The following CALCOCO2 variants were observed in gnomAD, a reference collection of about 807,000 sequenced individuals.
The protein encoded by CALCOCO2 is calcium-binding and coiled-coil domain-containing protein 2.
CALCOCO2 carries 42 observed loss-of-function variants against 62.5 expected under a neutral mutation model. That is an observed-to-expected ratio of 0.67 (90% confidence interval 0.53 to 0.87). The LOEUF is 0.87. CALCOCO2 is among the 40% of genes least tolerant of loss of function. The probability of loss-of-function intolerance (pLI) is 0.00; values close to 1 mark genes in which losing one functional copy is unlikely to be tolerated. For synonymous variants in CALCOCO2, 167 were observed against 173.0 expected (o/e 0.97, Z 0.27); for missense variants, 456 against 515.0 (o/e 0.89, Z 1.11).
chr17:48,858,261 A>G (rs1389733316), intron 10 of CALCOCO2, among the ~76,000 whole-genome samples: 1 of 152,010 alleles, frequency 6.6e-6, no homozygotes, highest in Non-Finnish European at 1.5e-5. Flanking sequence ...ATAATTGCAG[A>G]AGGCTTTTTG....
intron 10 of CALCOCO2, among the ~76,000 whole-genome samples, chr17:48,856,880 C>T (rs2040224040): frequency 6.6e-6 from 1 of 151,720 alleles, no homozygotes; most frequent in Non-Finnish European, 1.5e-5. Flanking sequence ...CTCACTGCAG[C>T]CTTGATCTCC....
At chr17:48,859,434 TC>T in intron 10 of CALCOCO2, among the ~76,000 whole-genome samples, 2 of 151,918 alleles carry the variant, frequency 1.3e-5, no homozygotes, top group Admixed American at 1.3e-4. Flanking sequence ...GCCTTTCATC[TC>T]TACAAAAAAT....
chr17:48,862,810 G>A, intron 12 of CALCOCO2, 28 bp from the exon 13 acceptor site: 2 of 1,605,882 alleles, frequency 1.2e-6, no homozygotes, highest in South Asian at 2.2e-5. Flanking sequence ...GCTTACATTT[G>A]TACTGACCTC....
intron 1 of CALCOCO2, chr17:48,831,962 A>G (rs1240740257): frequency 6.6e-6 from 1 of 152,160 alleles, no homozygotes; most frequent in Non-Finnish European, 1.5e-5. Flanking sequence ...GGACCTGGAA[A>G]CTCTATCCTT....
chr17:48,851,047 C>T, intron 5 of CALCOCO2, 42 bp from the exon 6 acceptor site: 1 of 1,114,282 alleles, frequency 9.0e-7, no homozygotes, highest in Non-Finnish European at 1.4e-6. Flanking sequence ...ATTCAAAAGT[C>T]ATAGAACTAG....
At chr17:48,848,850 T>A (rs1283906568) in intron 4 of CALCOCO2, 2 of 478,870 alleles carry the variant, frequency 4.2e-6, no homozygotes, top group Non-Finnish European at 4.1e-6. Context: ...TTCATTTTCT[T>A]ACTTCATCAT....
intron 1 of CALCOCO2, chr17:48,831,724 CAACCCCACTGGACGTGTT>C (rs1319519577): frequency 1.3e-5 from 2 of 152,226 alleles, no homozygotes; most frequent in Non-Finnish European, 2.9e-5. Flanking sequence ...TATATTATTT[CAACCCCACTGGACGTGTT>C]AACTCTTTTC....
chr17:48,863,055 T>A lies in CALCOCO2; in HGVS notation c.*50T>A. On this transcript the variant is annotated 3_prime_UTR_variant, in exon 13 of 13. Transcript: ENST00000258947. ...CAGAGATTTTATAGAATAGAACCTA[T>A]AGCTTCTACCATGAGTTATATGAGT... 7.5e-7 allele frequency: 1 copy of A among 1,333,862 alleles called. No homozygotes were observed. The highest frequency in any genetic ancestry group is 1.1e-6 in the Non-Finnish European group (1 of 925,538). The allele number at this position is 1,333,862 out of a possible 1,614,324, so 82.6% of individuals were successfully genotyped here.
At chr17:48,849,687 A>G (rs2040100675) in intron 5 of CALCOCO2, among the ~76,000 whole-genome samples, 1 of 151,824 alleles carries the variant, frequency 6.6e-6, no homozygotes, top group Non-Finnish European at 1.5e-5. Context: ...TATATTTTTT[A>G]GAGACAGGGT....
In CALCOCO2 at chr17:48,856,206, G is replaced by A. The variant is rs774338066; in HGVS notation, c.1008+19G>A. The A allele has an allele frequency of 3.6e-6, 5 of 1,405,448 alleles. No homozygotes were observed. The Admixed American group carries it at 8.7e-5, about 24-fold the overall frequency. The allele number at this position is 1,405,448 out of a possible 1,614,324, so 87.1% of individuals were successfully genotyped here. ...AAATGATGTAAGTGTGTGAAAGAGGGTATAAAACCCCAAGGTTTTAAGGGG... is the reference window on the plus strand; with the variant it reads ...AAATGATGTAAGTGTGTGAAAGAGGATATAAAACCCCAAGGTTTTAAGGGG... On this transcript the variant is annotated intron_variant, in intron 10 of 12. Coordinates refer to ENST00000258947, the MANE Select transcript of CALCOCO2 (RefSeq NM_005831.5).
chr17:48,840,059 C>G (rs1267105415), intron 1 of CALCOCO2, among the ~76,000 whole-genome samples: 1 of 152,134 alleles, frequency 6.6e-6, no homozygotes, highest in Non-Finnish European at 1.5e-5. Context: ...AATCCTCTCA[C>G]CTCAGCCTCC....
At chr17:48,832,644 A>G (rs1004004268) in intron 1 of CALCOCO2, among the ~76,000 whole-genome samples, 2 of 152,164 alleles carry the variant, frequency 1.3e-5, no homozygotes, top group African/African-American at 4.8e-5. Context: ...CAGAACTAAG[A>G]TAGGAACCCA....
Position 48,862,247 on chromosome 17 carries a change from T to C in CALCOCO2, c.1145-29T>C, listed in dbSNP as rs1555574375. The stretch of plus-strand genomic sequence containing the variant: ...AGAAGCTAGGGATGGTATTTTCTCA[T>C]TGAATGAGATCTTTTTTATTCTTTT... On this transcript the variant is annotated intron_variant, in intron 11 of 12. Coordinates refer to ENST00000258947, the MANE Select transcript of CALCOCO2 (RefSeq NM_005831.5). 3.3e-6 allele frequency: 5 copies of C among 1,493,248 alleles called. No homozygotes were observed. The East Asian group carries it at 9.0e-5, about 27-fold the overall frequency. The allele number at this position is 1,493,248 out of a possible 1,614,324, so 92.5% of individuals were successfully genotyped here.
chr17:48,836,417 A>G (rs1164157400), intron 1 of CALCOCO2, among the ~76,000 whole-genome samples: 1 of 151,720 alleles, frequency 6.6e-6, no homozygotes, highest in African/African-American at 2.4e-5. Context: ...AAACATACAC[A>G]CTCTTAGCCC....
Position 48,848,069 on chromosome 17 carries a change from G to A in CALCOCO2, c.186G>A (p.Gly62=). 1 of 1,602,070 alleles carries A rather than the reference G, an allele frequency of 6.2e-7. No homozygotes were observed. Among genetic ancestry groups the A allele is most frequent in the Non-Finnish European group, 8.6e-7 (1 of 1,169,400 alleles). ...AGAACTTCTTGTCATTGCAGGTGGG[G>A]TGGAAGACAACCCGTGAGTATTACA... is the stretch of plus-strand genomic sequence containing the variant. ...RKDWIGIFRV[G]WKTTREYYTF... is the part of the protein sequence containing the mutation. Residue 62 remains glycine (G), a synonymous_variant, in exon 3 of 13, where the codon GGG becomes GGA. Transcript: ENST00000258947.
intron 6 of CALCOCO2, 170 bp downstream of exon 6, chr17:48,851,347 G>C: frequency 1.6e-6 from 1 of 627,330 alleles, no homozygotes. Flanking sequence ...AGAATAGTCA[G>C]GAAAAATGAT....
intron 1 of CALCOCO2, among the ~76,000 whole-genome samples, chr17:48,836,510 C>A (rs1280011544): frequency 6.6e-6 from 1 of 152,170 alleles, no homozygotes; most frequent in East Asian, 1.9e-4. Flanking sequence ...CTTGTTAGTT[C>A]ATTTATCCAA....
intron 1 of CALCOCO2, among the ~76,000 whole-genome samples, chr17:48,835,356 G>C (rs1319186802): frequency 6.6e-5 from 10 of 152,182 alleles, no homozygotes; most frequent in African/African-American, 2.4e-4. Context: ...AGCCACTGCT[G>C]TTCTCATCTA....
In CALCOCO2 at chr17:48,848,182, G is replaced by C. The variant is rs1225885860; in HGVS notation, c.283+16G>C. 2 of 1,570,790 alleles carry C rather than the reference G, an allele frequency of 1.3e-6. No homozygotes were observed. Among genetic ancestry groups the C allele is most frequent in the Non-Finnish European group, 1.8e-6 (2 of 1,140,864 alleles). ...CAATTCAAAGGTGAGAAAAATACTG[G>C]ATCAAAGGTGTTGAAGACAGTAGCC... On this transcript the variant is annotated intron_variant, in intron 3 of 12. Transcript: ENST00000258947.
Sources: gnomAD v4.1 joint callset for allele counts (sites outside exome capture counted in the v4.1 genomes callset) on GRCh38, gnomAD v4.1.1 for gene constraint, MANE v1.5 for transcripts, NCBI Gene and HGNC (gene_info 2026-07-23, HGNC 2026-07-21) for gene names.